PODXL2: variants seen among roughly 807,000 people sequenced by gnomAD.
PODXL2 encodes podocalyxin like 2.
PODXL2 carries 17 observed loss-of-function variants against 53.4 expected under a neutral mutation model. The ratio of observed to expected loss-of-function variants is 0.32; its 90% confidence interval spans 0.22 to 0.48. PODXL2 has a LOEUF of 0.48. Ranked by LOEUF, PODXL2 falls within the 20% of genes least tolerant of loss-of-function variation. The pLI, the probability that PODXL2 is intolerant of heterozygous loss-of-function variation, is 0.99. For missense variants in PODXL2, 673 were observed against 760.0 expected, an observed-to-expected ratio of 0.89 and a Z score of 1.35; for synonymous variants, 311 against 306.7, an observed-to-expected ratio of 1.01 and a Z score of -0.15.
Position 127,670,947 on chromosome 3 carries a change from C to T in PODXL2, c.1426-487C>T, listed in dbSNP as rs79420858. Among the ~76,000 whole-genome samples, 559 of 152,332 alleles carry T rather than the reference C, an allele frequency of 3.7e-3. 6 individuals are homozygous for T. Among genetic ancestry groups the T allele is most frequent in the South Asian group, 0.019 (92 of 4,830 alleles). On this transcript the variant is annotated intron_variant, in intron 6 of 7. Coordinates refer to ENST00000342480, the MANE Select transcript of PODXL2 (RefSeq NM_015720.4). ...GTGGCCCCCCATGTGGCCTGCATGC[C>T]CTCAGTATCCCTCCCTGCACCGGCC... is the stretch of plus-strand genomic sequence containing the variant.
chr3:127,654,727 C>G (rs930656932), intron 2 of PODXL2, among the ~76,000 whole-genome samples: 10 of 152,186 alleles, frequency 6.6e-5, no homozygotes, highest in Admixed American at 3.9e-4. Context: ...GCTCCTCATT[C>G]TATGGAGACA....
In PODXL2 at chr3:127,671,601, G is replaced by A; in HGVS notation, c.1593G>A (p.Lys531=). 2 of 1,613,490 alleles carry A rather than the reference G, an allele frequency of 1.2e-6. No individual in the cohort carries two copies. The highest frequency in any genetic ancestry group is 1.7e-6 in the Non-Finnish European group (2 of 1,180,006). ...LYNCWQRRLP[K]LKHVSHGEEL... ...ACTGCTGGCAGCGCCGGCTGCCCAA[G>A]CTCAAGCACGTGGTGAGTGTGGGGA... is the stretch of plus-strand genomic sequence containing the variant. The change falls in exon 7 of 8, where the codon AAG becomes AAA. Residue 531 remains lysine (K), a synonymous_variant. Transcript: ENST00000342480.
At chr3:127,660,312 C>T in intron 2 of PODXL2, 66 bp from the exon 3 acceptor site, 1 of 1,563,760 alleles carries the variant, frequency 6.4e-7, no homozygotes, top group Non-Finnish European at 8.7e-7. Context: ...GCCATCTGCC[C>T]AGTAAATACT....
At chr3:127,653,104 C>T (rs551733684) in intron 2 of PODXL2, among the ~76,000 whole-genome samples, 1 of 152,300 alleles carries the variant, frequency 6.6e-6, no homozygotes, top group East Asian at 1.9e-4. Flanking sequence ...CTCCAAAGTG[C>T]CTGCTGAGGC....
Position 127,660,403 on chromosome 3 carries a change from G to A in PODXL2, c.375G>A (p.Glu125=). The A allele has an allele frequency of 6.2e-7, 1 of 1,611,108 alleles. No individual in the cohort carries two copies. The change falls in exon 3 of 8, where the codon GAG becomes GAA. Residue 125 remains glutamate, a synonymous_variant. Transcript: ENST00000342480. ...TADYVFPDLT[E]KAGSIEDTSQ... ...ATTATGTTTTTCCTGACTTAACTGAGAAGGCAGGTTCCATTGAAGACACCA... is the reference window on the plus strand; with the variant it reads ...ATTATGTTTTTCCTGACTTAACTGAAAAGGCAGGTTCCATTGAAGACACCA...
At chr3:127,631,148 A>C (rs1372455055) in intron 1 of PODXL2, among the ~76,000 whole-genome samples, 3 of 152,054 alleles carry the variant, frequency 2.0e-5, no homozygotes, top group Non-Finnish European at 4.4e-5. Flanking sequence ...AGGTGCTTAC[A>C]GAGTGGAGGT....
Position 127,671,462 on chromosome 3 carries a change from G to A in PODXL2, c.1454G>A (p.Ser485Asn), listed in dbSNP as rs772701381. Reference sequence around the variant, plus strand: ...GGCATCCAGAACTATTCCACAACCAGCAGCTGCCAGGCGCGGGCCAGCCAG... The same window carrying A: ...GGCATCCAGAACTATTCCACAACCAACAGCTGCCAGGCGCGGGCCAGCCAG... Reference protein sequence around the residue: ...EIGIQNYSTTSSCQARASQVR... With the variant: ...EIGIQNYSTTNSCQARASQVR... The change falls in exon 7 of 8, where the codon AGC becomes AAC. Residue 485 changes from serine to asparagine, a missense_variant. Transcript: ENST00000342480. 5 of 1,614,120 alleles carry A rather than the reference G, an allele frequency of 3.1e-6. No individual in the cohort carries two copies. The South Asian group carries it at 5.5e-5, about 18-fold the overall frequency.
intron 3 of PODXL2, 91 bp downstream of exon 3, chr3:127,661,250 G>T: frequency 1.0e-6 from 1 of 992,436 alleles, no homozygotes; most frequent in Non-Finnish European, 1.5e-6. Flanking sequence ...GGCAGGATCT[G>T]CCAGGTTGAG....
intron 2 of PODXL2, among the ~76,000 whole-genome samples, chr3:127,651,350 T>TA (rs987196183): frequency 3.3e-5 from 5 of 152,098 alleles, no homozygotes; most frequent in African/African-American, 1.2e-4. Flanking sequence ...AAAGAATAAT[T>TA]ACAGTTGTTT....
chr3:127,640,274 G>A (rs1239195661), intron 2 of PODXL2, among the ~76,000 whole-genome samples: 1 of 152,202 alleles, frequency 6.6e-6, no homozygotes, highest in Non-Finnish European at 1.5e-5. Context: ...TGTGCACATG[G>A]GGCAAGGTGT....
intron 2 of PODXL2, among the ~76,000 whole-genome samples, chr3:127,647,790 T>G (rs1031341599): frequency 6.6e-6 from 1 of 152,204 alleles, no homozygotes; most frequent in African/African-American, 2.4e-5. Context: ...TTCCCAGCAC[T>G]TCAGGAACAG....
At chr3:127,672,066 G>A (rs2074848991) in intron 7 of PODXL2, among the ~76,000 whole-genome samples, 1 of 152,260 alleles carries the variant, frequency 6.6e-6, no homozygotes, top group South Asian at 2.1e-4. Flanking sequence ...TGACGTCAGG[G>A]AGGCCACGGG....
At chr3:127,650,463 C>T (rs1037248096) in intron 2 of PODXL2, among the ~76,000 whole-genome samples, 2 of 152,114 alleles carry the variant, frequency 1.3e-5, no homozygotes, top group Non-Finnish European at 1.5e-5. Flanking sequence ...ACAGGGGGCG[C>T]GGGAGAGCTC....
chr3:127,644,586 C>G (rs528772479), intron 2 of PODXL2, among the ~76,000 whole-genome samples: 4 of 152,170 alleles, frequency 2.6e-5, no homozygotes, highest in Non-Finnish European at 4.4e-5. Context: ...TTGTTGTCCT[C>G]CCCCCTCCCC....
chr3:127,672,525 G>C lies in PODXL2; in HGVS notation c.*45G>C. ...CGAGTGGGCCGCCAGGACCAAGCGA[G>C]GTGGACCCCGAAACGGACGGCCCGG... On this transcript the variant is annotated 3_prime_UTR_variant, in exon 8 of 8. Transcript: ENST00000342480. 7.8e-7 allele frequency: 1 copy of C among 1,282,804 alleles called. No homozygotes were observed. The highest frequency in any genetic ancestry group is 2.9e-5 in the East Asian group (1 of 34,922). The allele number at this position is 1,282,804 out of a possible 1,614,324, so 79.5% of individuals were successfully genotyped here.
Position 127,660,614 on chromosome 3 carries a change from C to A in PODXL2, c.586C>A (p.Gln196Lys). 6.2e-7 allele frequency: 1 copy of A among 1,614,152 alleles called. No homozygotes were observed. Among genetic ancestry groups the A allele is most frequent in the South Asian group, 1.1e-5 (1 of 91,086 alleles). The change falls in exon 3 of 8, where the codon CAA becomes AAA. Residue 196 changes from glutamine to lysine, a missense_variant. Physicochemically the swap from Gln to Lys is moderately conservative, Grantham distance 53. Around this residue, in one of 3 missense-constraint regions of PODXL2, gnomAD observed 588 missense variants for 668.3 expected, o/e 0.88. Transcript: ENST00000342480. ...EEELLPVNGSQEEAKPQVRDF... is the reference protein window; with the variant it reads ...EEELLPVNGSKEEAKPQVRDF... ...GGAGCTGCTCCCTGTGAATGGATCCCAAGAAGAAGCCAAGCCTCAGGTCCG... is the reference window on the plus strand; with the variant it reads ...GGAGCTGCTCCCTGTGAATGGATCCAAAGAAGAAGCCAAGCCTCAGGTCCG...
chr3:127,637,582 G>T (rs1168154273), intron 1 of PODXL2, among the ~76,000 whole-genome samples: 3 of 152,178 alleles, frequency 2.0e-5, no homozygotes, highest in Admixed American at 1.3e-4. Context: ...CAAGGCTGGT[G>T]GTGGTGAAGT....
Position 127,629,371 on chromosome 3 carries a change from A to C in PODXL2, c.70+82A>C. 2.0e-6 allele frequency: 2 copies of C among 978,946 alleles called. No homozygotes were observed. Among genetic ancestry groups the C allele is most frequent in the Non-Finnish European group, 2.4e-6 (2 of 823,990 alleles). 60.6% of individuals were successfully genotyped at this position (978,946 alleles called of 1,614,324 possible). On this transcript the variant is annotated intron_variant, in intron 1 of 7. Coordinates refer to ENST00000342480, the MANE Select transcript of PODXL2 (RefSeq NM_015720.4). This position sits in a 1 kb window ranked among gnomAD's most constrained non-coding sequence, Gnocchi z 6.4. ...TGGACAGCTCCCCGGGCCGCCAACA[A>C]AGGGGCCAGAGTGCGGCGCCGCCGG...
intron 6 of PODXL2, among the ~76,000 whole-genome samples, chr3:127,670,309 T>A (rs993383617): frequency 3.9e-5 from 6 of 152,180 alleles, no homozygotes; most frequent in Non-Finnish European, 7.3e-5. Context: ...GGAAGCCTGA[T>A]TCCGGAGCCC....
Sources: allele counts gnomAD v4.1 joint callset (sites outside exome capture counted in the v4.1 genomes callset), GRCh38; gene constraint gnomAD v4.1.1; regional missense constraint gnomAD v4.1.1; non-coding constraint Gnocchi (gnomAD v3.1); transcripts MANE v1.5; gene names NCBI Gene and HGNC (gene_info 2026-07-23, HGNC 2026-07-21).